SLC71A1: variants seen among roughly 807,000 people sequenced by gnomAD.
The protein encoded by SLC71A1 is solute carrier family 71 member 1.
the SLC71A1 span, chr1:100,078,625 G>A: frequency 9.9e-7 from 1 of 1,012,700 alleles, no homozygotes; most frequent in Non-Finnish European, 1.5e-6. Context: ...CCTATGTACT[G>A]AAACATAAGT....
At chr1:100,049,440 C>T in the SLC71A1 span, among the ~76,000 whole-genome samples, 1 of 151,528 alleles carries the variant, frequency 6.6e-6, no homozygotes, top group South Asian at 2.1e-4. Flanking sequence ...AATATAGACT[C>T]CTTAGCATGG....
the SLC71A1 span, among the ~76,000 whole-genome samples, chr1:100,065,434 G>A: frequency 6.6e-6 from 1 of 151,856 alleles, no homozygotes; most frequent in Non-Finnish European, 1.5e-5. Flanking sequence ...AAAGAATATG[G>A]TCCTTTTCCT....
At chr1:100,080,762 T>C in the SLC71A1 span, 10 of 1,005,350 alleles carry the variant, frequency 9.9e-6, no homozygotes, top group East Asian at 4.8e-5. Context: ...CTATTTGAGA[T>C]TGGATAAAAT....
chr1:100,043,087 C>A, the SLC71A1 span: 1 of 984,648 alleles, frequency 1.0e-6, no homozygotes, highest in African/African-American at 1.8e-5. Flanking sequence ...CTATATGCAT[C>A]CAGTTCATCC....
chr1:100,043,284 A>C, the SLC71A1 span: 1 of 649,352 alleles, frequency 1.5e-6, no homozygotes, highest in Non-Finnish European at 1.9e-6. Context: ...AGGAACTCTG[A>C]TTGTCTTTTA....
chr1:100,081,947 C>T, the SLC71A1 span: 7 of 1,350,006 alleles, frequency 5.2e-6, no homozygotes, highest in African/African-American at 1.4e-5. Context: ...TATGTAGTTT[C>T]TCCTTATGAG....
the SLC71A1 span, among the ~76,000 whole-genome samples, chr1:100,045,557 A>T: frequency 6.6e-6 from 1 of 152,192 alleles, no homozygotes; most frequent in Non-Finnish European, 1.5e-5. Flanking sequence ...CAAAGTAGAT[A>T]CAGATATTTA....
the SLC71A1 span, among the ~76,000 whole-genome samples, chr1:100,055,387 T>TTG: frequency 6.6e-6 from 1 of 151,794 alleles, no homozygotes; most frequent in South Asian, 2.1e-4. Context: ...AACTTTCTCT[T>TTG]TGTGTGTGTG....
At chr1:100,065,220 G>A in the SLC71A1 span, among the ~76,000 whole-genome samples, 1 of 152,110 alleles carries the variant, frequency 6.6e-6, no homozygotes, top group Admixed American at 6.5e-5. Context: ...TCCATCAGTT[G>A]ATGGACATTT....
chr1:100,057,556 T>C, the SLC71A1 span, among the ~76,000 whole-genome samples: 5 of 152,070 alleles, frequency 3.3e-5, no homozygotes, highest in Admixed American at 1.3e-4. Context: ...GGTTTCGACA[T>C]GTTGGCCAGG....
chr1:100,082,545 CTTTAACTCTATG>C, the SLC71A1 span: 1 of 273,894 alleles, frequency 3.7e-6, no homozygotes, highest in South Asian at 4.3e-5. Context: ...AGGTGTTGAG[CTTTAACTCTATG>C]CTGACTCAGT....
the SLC71A1 span, among the ~76,000 whole-genome samples, chr1:100,055,636 A>G: frequency 6.6e-6 from 1 of 152,092 alleles, no homozygotes; most frequent in East Asian, 1.9e-4. Flanking sequence ...TACATGAGAT[A>G]TTTTGATACA....
the SLC71A1 span, chr1:100,068,281 G>A: frequency 2.7e-6 from 3 of 1,114,650 alleles, no homozygotes; most frequent in Non-Finnish European, 2.6e-6. Flanking sequence ...ATTTCTTTAG[G>A]GAAAACATCT....
chr1:100,073,746 T>G, the SLC71A1 span, among the ~76,000 whole-genome samples: 1 of 152,222 alleles, frequency 6.6e-6, no homozygotes, highest in Admixed American at 6.5e-5. Flanking sequence ...ATTAGGAATT[T>G]GGCAAATATT....
At chr1:100,038,407 G>T in the SLC71A1 span, 1 of 1,063,158 alleles carries the variant, frequency 9.4e-7, no homozygotes, top group Admixed American at 2.0e-5. Context: ...AGGCGTCCCG[G>T]TGCCTCCCTC....
the SLC71A1 span, among the ~76,000 whole-genome samples, chr1:100,057,767 T>G: frequency 3.9e-5 from 6 of 152,174 alleles, no homozygotes; most frequent in Non-Finnish European, 7.3e-5. Context: ...AGGTTCTTCT[T>G]GCAACATGTC....
chr1:100,043,622 A>G, the SLC71A1 span, among the ~76,000 whole-genome samples: 3 of 151,806 alleles, frequency 2.0e-5, no homozygotes, highest in Admixed American at 6.5e-5. Flanking sequence ...TTGGTTACAT[A>G]GATGTTTTTT....
At chr1:100,074,476 G>C in the SLC71A1 span, among the ~76,000 whole-genome samples, 1 of 152,064 alleles carries the variant, frequency 6.6e-6, no homozygotes, top group African/African-American at 2.4e-5. Flanking sequence ...CTACTCGGGA[G>C]GCTGAGGCAG....
the SLC71A1 span, among the ~76,000 whole-genome samples, chr1:100,072,649 A>C: frequency 6.6e-6 from 1 of 152,012 alleles, no homozygotes; most frequent in African/African-American, 2.4e-5. Context: ...GTGAAATTAT[A>C]GTTATGTAGC....
Sources: gnomAD v4.1 joint callset for allele counts (sites outside exome capture counted in the v4.1 genomes callset) on GRCh38, gnomAD v4.1.1 for gene constraint, MANE v1.5 for transcripts, NCBI Gene and HGNC (gene_info 2026-07-23, HGNC 2026-07-21) for gene names.